The following NCKAP5 variants were observed in gnomAD, a reference collection of about 807,000 sequenced individuals.
NCKAP5 encodes the protein nck-associated protein 5.
A neutral mutation model predicts 167.0 loss-of-function variants in NCKAP5; 92 were observed. The ratio of observed to expected loss-of-function variants is 0.55; its 90% CI spans 0.47 to 0.66. The LOEUF (loss-of-function observed/expected upper bound fraction) is 0.66. Among genes scored for constraint, NCKAP5 ranks in the 30% least tolerant of loss-of-function variants. The probability of loss-of-function intolerance (pLI) is 0.00; values close to 1 mark genes in which losing one functional copy is unlikely to be tolerated. For missense variants in NCKAP5, 2,378 were observed against 2,315.0 expected (o/e 1.03, Z -0.56); for synonymous variants, 891 against 877.4 (o/e 1.02, Z -0.27).
chr2:133,449,275 A>G (rs927281044), intron 3 of NCKAP5, among the ~76,000 whole-genome samples: 1 of 152,200 alleles, frequency 6.6e-6, no homozygotes, highest in Non-Finnish European at 1.5e-5. Context: ...CATGTTATGT[A>G]TATTAGAAAC....
chr2:133,092,062 C>G (rs1348098888), intron 6 of NCKAP5, among the ~76,000 whole-genome samples: 1 of 152,150 alleles, frequency 6.6e-6, no homozygotes, highest in Non-Finnish European at 1.5e-5. Flanking sequence ...AGTGTTTGAA[C>G]ATGATCAGTT....
At chr2:133,281,232 C>T (rs2089924080) in intron 4 of NCKAP5, among the ~76,000 whole-genome samples, 1 of 152,126 alleles carries the variant, frequency 6.6e-6, no homozygotes, top group Non-Finnish European at 1.5e-5. Flanking sequence ...AAATACAGTG[C>T]TCCTAATGAA....
intron 5 of NCKAP5, among the ~76,000 whole-genome samples, chr2:133,141,578 C>A (rs1266048624): frequency 6.6e-6 from 1 of 152,160 alleles, no homozygotes; most frequent in African/African-American, 2.4e-5. Context: ...ATAATGTCTA[C>A]AACCAACTGT....
At chr2:132,883,205 TACACAC>T (rs3044408) in intron 8 of NCKAP5, among the ~76,000 whole-genome samples, 14 of 139,650 alleles carry the variant, frequency 1.0e-4, no homozygotes, top group East Asian at 2.1e-4. Context: ...CTGACTCAAA[TACACAC>T]ACACACACAC....
intron 4 of NCKAP5, among the ~76,000 whole-genome samples, chr2:133,290,284 C>T (rs1679481120): frequency 6.6e-6 from 1 of 152,066 alleles, no homozygotes. Context: ...CCTTGATTTT[C>T]ATCATGAATT....
At chr2:133,609,482 C>A in the NCKAP5 span, among the ~76,000 whole-genome samples, 2 of 152,134 alleles carry the variant, frequency 1.3e-5, no homozygotes, top group African/African-American at 4.8e-5. Context: ...TGCAAGCCAC[C>A]TTTATGAAGG....
At chr2:132,794,585 G>C (rs1280180741) in intron 12 of NCKAP5, among the ~76,000 whole-genome samples, 1 of 151,186 alleles carries the variant, frequency 6.6e-6, no homozygotes, top group African/African-American at 2.4e-5. Context: ...GCAGTGAGCC[G>C]AGATCATGCC....
the NCKAP5 span, among the ~76,000 whole-genome samples, chr2:133,604,533 C>T: frequency 6.6e-6 from 1 of 152,100 alleles, no homozygotes; most frequent in East Asian, 1.9e-4. Context: ...AATTAGGACA[C>T]GTGGGGGGAA....
intron 3 of NCKAP5, among the ~76,000 whole-genome samples, chr2:133,383,142 T>C (rs1258044806): frequency 1.3e-5 from 2 of 152,146 alleles, no homozygotes; most frequent in Non-Finnish European, 1.5e-5. Context: ...TGTATACATA[T>C]GCCATATTGG....
chr2:132,783,355 C>T lies in NCKAP5; in HGVS notation c.3456G>A (p.Val1152=), dbSNP rs750759309. The change falls in exon 14 of 20, where the codon GTG becomes GTA. Residue 1152 remains valine, a synonymous_variant. Transcript: ENST00000409261. ...LKTRLPVGLK[V]LMKSPQLLRK... ...TGAGCAGCTGGGGAGACTTCATGAG[C>T]ACTTTGAGTCCCACTGGAAGGCGAG... 1 of 1,611,756 alleles carries T rather than the reference C, an allele frequency of 6.2e-7. No individual in the cohort carries two copies. Among genetic ancestry groups the T allele is most frequent in the East Asian group, 2.2e-5 (1 of 44,862 alleles).
At chr2:133,024,244 T>C (rs1487781737) in intron 6 of NCKAP5, among the ~76,000 whole-genome samples, 1 of 152,206 alleles carries the variant, frequency 6.6e-6, no homozygotes, top group African/African-American at 2.4e-5. Flanking sequence ...TCACCTACTG[T>C]ATATATTTGA....
chr2:132,975,408 G>A (rs1050960577), intron 7 of NCKAP5, among the ~76,000 whole-genome samples: 7 of 152,230 alleles, frequency 4.6e-5, no homozygotes, highest in Admixed American at 1.3e-4. Context: ...CAACATTGCC[G>A]ATTGTCTTCC....
At chr2:133,205,149 C>T (rs555286017) in intron 5 of NCKAP5, among the ~76,000 whole-genome samples, 1 of 152,082 alleles carries the variant, frequency 6.6e-6, no homozygotes, top group African/African-American at 2.4e-5. Flanking sequence ...AAAAAATAGC[C>T]AGGCATCGTG....
intron 2 of NCKAP5, among the ~76,000 whole-genome samples, chr2:133,531,543 A>T (rs1421181241): frequency 6.6e-6 from 1 of 152,066 alleles, no homozygotes; most frequent in Non-Finnish European, 1.5e-5. Flanking sequence ...AGAAAATTGC[A>T]ACGTTTTTGG....
intron 6 of NCKAP5, among the ~76,000 whole-genome samples, chr2:133,050,706 G>A (rs953812195): frequency 6.6e-6 from 1 of 152,100 alleles, no homozygotes; most frequent in African/African-American, 2.4e-5. Flanking sequence ...ATCAAAATAT[G>A]CCCCTTAAGA....
chr2:132,719,105 A>C (rs2105374031), intron 19 of NCKAP5, among the ~76,000 whole-genome samples: 1 of 152,302 alleles, frequency 6.6e-6, no homozygotes, highest in Non-Finnish European at 1.5e-5. Context: ...AGACCATATA[A>C]GCAAAAGCAT....
At chr2:133,583,960 T>G in the NCKAP5 span, among the ~76,000 whole-genome samples, 1 of 152,146 alleles carries the variant, frequency 6.6e-6, no homozygotes, top group Admixed American at 6.5e-5. Context: ...TTCACCGTGT[T>G]AGCCAGGATG....
intron 4 of NCKAP5, among the ~76,000 whole-genome samples, chr2:133,215,652 T>C (rs1201518493): frequency 1.3e-5 from 2 of 152,200 alleles, no homozygotes; most frequent in East Asian, 1.9e-4. Flanking sequence ...AGGAATAATC[T>C]ACACTTAATC....
intron 3 of NCKAP5, among the ~76,000 whole-genome samples, chr2:133,509,855 C>T (rs573350149): frequency 6.6e-6 from 1 of 152,188 alleles, no homozygotes; most frequent in African/African-American, 2.4e-5. Flanking sequence ...CTAGAGCACA[C>T]TGGCCTGTGG....
Sources: gnomAD v4.1 joint callset for allele counts (sites outside exome capture counted in the v4.1 genomes callset) on GRCh38, gnomAD v4.1.1 for gene constraint, MANE v1.5 for transcripts, NCBI Gene and HGNC (gene_info 2026-07-23, HGNC 2026-07-21) for gene names.